The following ANK2 variants were observed in gnomAD, a reference collection of about 807,000 sequenced individuals.
ANK2 encodes the protein ankyrin 2.
In ANK2, 83 loss-of-function variants were observed where a neutral mutation model predicts 360.5. The ratio of observed to expected loss-of-function variants is 0.23; its 90% CI spans 0.19 to 0.28. The LOEUF is 0.28. Ranked by LOEUF, ANK2 falls within the 10% of genes least tolerant of loss-of-function variation. The pLI is 1.00. For missense variants in ANK2, 4,201 were observed against 4,795.7 expected, an observed-to-expected ratio of 0.88 and a Z score of 3.66; for synonymous variants, 1,740 against 1,759.5, an observed-to-expected ratio of 0.99 and a Z score of 0.28.
chr4:113,332,166 C>CAAAA, intron 28 of ANK2, 96 bp downstream of exon 28: 1 of 1,092,646 alleles, frequency 9.2e-7, no homozygotes, highest in Non-Finnish European at 1.4e-6. Context: ...GTGCCCATGA[C>CAAAA]ATGTCCCTTT....
Position 113,373,114 on chromosome 4 carries a change from C to A in ANK2, c.11635C>A (p.Pro3879Thr). The A allele has an allele frequency of 6.2e-7, 1 of 1,614,072 alleles. No homozygotes were observed. The highest frequency in any genetic ancestry group is 8.5e-7 in the Non-Finnish European group (1 of 1,179,986). ...EKGDDMPEIP[P>T]ETVTEEEYID... ...GGGAGACGATATGCCTGAAATACCC[C>A]CAGAAACAGTCACAGAAGAAGAATA... is the stretch of plus-strand genomic sequence containing the variant. The change falls in exon 44 of 46, where the codon CCA (proline) becomes ACA (threonine). Residue 3879 changes from proline to threonine, a missense_variant. By Grantham distance (38) the Pro-to-Thr change is conservative (BLOSUM62 -1). Coordinates refer to ENST00000357077, the MANE Select transcript of ANK2 (RefSeq NM_001148.6).
chr4:112,981,160 G>T (rs540679563), intron 2 of ANK2, among the ~76,000 whole-genome samples: 2 of 152,338 alleles, frequency 1.3e-5, no homozygotes, highest in South Asian at 4.1e-4. Flanking sequence ...CAGTGGCAGA[G>T]ATGTGCTCAA....
chr4:113,216,538 A>AG (rs1296802008), intron 4 of ANK2, among the ~76,000 whole-genome samples: 1 of 152,226 alleles, frequency 6.6e-6, no homozygotes, highest in African/African-American at 2.4e-5. Flanking sequence ...TAGGCCTGTT[A>AG]GGGCATCATC....
chr4:113,233,104 CTGTTTTTTTTTTTTTTTTTTTTTT>C (rs2099331385), intron 5 of ANK2, among the ~76,000 whole-genome samples: 2 of 29,296 alleles, frequency 6.8e-5, no homozygotes, highest in East Asian at 1.1e-3. Flanking sequence ...CTTGGCTTTT[CTGTTTTTTTTTTTTTTTTTTTTTT>C]TTTTTTTTTT....
chr4:113,121,691 G>C (rs2095367004), intron 1 of ANK2, among the ~76,000 whole-genome samples: 1 of 152,054 alleles, frequency 6.6e-6, no homozygotes, highest in Admixed American at 6.6e-5. Flanking sequence ...TAAACTGATA[G>C]GTGATTTTGC....
intron 2 of ANK2, among the ~76,000 whole-genome samples, chr4:112,917,368 A>G (rs1322462671): frequency 6.6e-6 from 1 of 152,196 alleles, no homozygotes; most frequent in Non-Finnish European, 1.5e-5. Context: ...TTTGCTTTAT[A>G]ACTTTAGATT....
chr4:113,138,274 A>G (rs1211761909), intron 1 of ANK2, among the ~76,000 whole-genome samples: 1 of 152,220 alleles, frequency 6.6e-6, no homozygotes. Context: ...TCTATGTATC[A>G]TTCCATAATT....
intron 2 of ANK2, among the ~76,000 whole-genome samples, chr4:112,994,449 A>G (rs1418548527): frequency 6.6e-6 from 1 of 152,212 alleles, no homozygotes; most frequent in South Asian, 2.1e-4. Context: ...TATCTCAGCT[A>G]GGTCAACAAT....
At position 113,354,069 on chromosome 4, in the gene ANK2, A is replaced by C; in HGVS notation, c.5451A>C (p.Arg1817Ser). ...PAASPSLKSE[R>S]HAPGSPSPKT... is the part of the protein sequence containing the mutation. Reference sequence around the variant, plus strand: ...CGTCACCCTCTCTGAAGTCAGAGAGACATGCGCCAGGGTCTCCCTCCCCTA... The same window carrying C: ...CGTCACCCTCTCTGAAGTCAGAGAGCCATGCGCCAGGGTCTCCCTCCCCTA... The change falls in exon 38 of 46, where the codon AGA becomes AGC. Residue 1817 changes from arginine (R) to serine (S), a missense_variant. Transcript: ENST00000357077. The C allele has an allele frequency of 1.2e-6, 2 of 1,614,066 alleles. No individual in the cohort carries two copies. The highest frequency in any genetic ancestry group is 1.7e-6 in the Non-Finnish European group (2 of 1,179,978).
intron 2 of ANK2, among the ~76,000 whole-genome samples, chr4:112,962,353 T>C (rs1218552439): frequency 1.3e-5 from 2 of 152,152 alleles, no homozygotes; most frequent in African/African-American, 4.8e-5. Flanking sequence ...TCTCCATCCA[T>C]GTTGCTACAA....
At chr4:113,331,732 G>T (rs776794516) in intron 27 of ANK2, among the ~76,000 whole-genome samples, 6 of 151,984 alleles carry the variant, frequency 3.9e-5, no homozygotes, top group Non-Finnish European at 8.8e-5. Context: ...GTGCCCTGGC[G>T]GTGAACCTAA....
At chr4:112,830,232 A>T (rs569506944) in intron 1 of ANK2, among the ~76,000 whole-genome samples, 15 of 152,374 alleles carry the variant, frequency 9.8e-5, no homozygotes, top group African/African-American at 3.6e-4. Context: ...CACAACAGCA[A>T]AGACATGGAA....
chr4:112,910,944 GT>G (rs2086969305), intron 2 of ANK2, among the ~76,000 whole-genome samples: 3 of 130,732 alleles, frequency 2.3e-5, no homozygotes, highest in Non-Finnish European at 5.0e-5. Context: ...GAAGACTTTT[GT>G]TTATTATTTG....
At chr4:112,764,803 G>A in the ANK2 span, among the ~76,000 whole-genome samples, 1 of 151,438 alleles carries the variant, frequency 6.6e-6, no homozygotes, top group South Asian at 2.1e-4. Context: ...CACCTCCGGG[G>A]TTCAAGCGAT....
At position 112,842,106 on chromosome 4, in the gene ANK2, T is replaced by C. The variant is rs190285880; in HGVS notation, c.-40+23842T>C. Among the ~76,000 whole-genome samples the C allele has an allele frequency of 6.8e-4, 103 of 152,054 alleles. 1 individual carries two copies. Among genetic ancestry groups the C allele is most frequent in the African/African-American group, 2.3e-3 (94 of 41,462 alleles). ...CTCACTGCAACCTCTGCCTCCCAGGTTCAAGTGATTCTCCTGCCTCAGCCT... is the reference window on the plus strand; with the variant it reads ...CTCACTGCAACCTCTGCCTCCCAGGCTCAAGTGATTCTCCTGCCTCAGCCT... On this transcript the variant is annotated intron_variant, in intron 1 of 30. Coordinates refer to the ANK2 transcript ENST00000503271.
Position 113,360,849 on chromosome 4 carries a change from G to A in ANK2, c.10708G>A (p.Glu3570Lys), listed in dbSNP as rs180843436. 116 of 1,612,770 alleles carry A rather than the reference G, an allele frequency of 7.2e-5. No homozygotes were observed. The highest frequency in any genetic ancestry group is 1.6e-4 in the East Asian group (7 of 44,782). Residue 3570 changes from glutamate (E) to lysine (K), a missense_variant, in exon 39 of 46, where the codon GAG becomes AAG. Transcript: ENST00000357077. ...TCCACAGGATGAGCAGGAACGGATC[G>A]AGGAAAGGCTGGCTTATATTGCTGA... Reference protein sequence around the residue: ...EDPQDEQERIEERLAYIADHL... With the variant: ...EDPQDEQERIKERLAYIADHL...
At position 113,137,798 on chromosome 4, in the gene ANK2, A is replaced by T. The variant is rs528421568; in HGVS notation, c.85-36618A>T. Among the ~76,000 whole-genome samples the T allele has an allele frequency of 5.9e-5, 9 of 152,280 alleles. No homozygotes were observed. In the South Asian group the frequency reaches 1.9e-3, roughly 32 times the overall value. On this transcript the variant is annotated intron_variant, in intron 1 of 45. Transcript: ENST00000357077. ...ACTATAGCTTATCATTATACAGATGACAGCACCAAAGTTCAAAATGACAGC... is the reference window on the plus strand; with the variant it reads ...ACTATAGCTTATCATTATACAGATGTCAGCACCAAAGTTCAAAATGACAGC...
In ANK2 at chr4:112,827,657, C is replaced by G; in HGVS notation, c.-40+9393C>G. The G allele has an allele frequency of 4.1e-6, 3 of 727,446 alleles. No homozygotes were observed. The South Asian group carries it at 5.1e-5, about 12-fold the overall frequency. 45.1% of individuals were successfully genotyped at this position (727,446 alleles called of 1,614,324 possible). On this transcript the variant is annotated intron_variant, in intron 1 of 30. Transcript: ENST00000503271. The stretch of plus-strand genomic sequence containing the variant: ...TTGCAATTTACTGCCAAGGAAGACA[C>G]AAAGAGCATTGTTGCACTGTTCTGA...
chr4:113,153,034 T>C (rs1024928251), intron 1 of ANK2, among the ~76,000 whole-genome samples: 1 of 152,216 alleles, frequency 6.6e-6, no homozygotes, highest in Non-Finnish European at 1.5e-5. Context: ...AAATTGAAAC[T>C]GTGTTTTTGA....
Sources: allele counts gnomAD v4.1 joint callset (sites outside exome capture counted in the v4.1 genomes callset), GRCh38; gene constraint gnomAD v4.1.1; transcripts MANE v1.5; gene names NCBI Gene and HGNC (gene_info 2026-07-23, HGNC 2026-07-21).